HS3ST4: variants seen among roughly 807,000 people sequenced by gnomAD.
HS3ST4 encodes heparan sulfate-glucosamine 3-sulfotransferase 4.
In HS3ST4, 17 loss-of-function variants were observed where a neutral mutation model predicts 29.2. That is an observed-to-expected ratio of 0.58 (90% CI 0.40 to 0.87). The LOEUF (loss-of-function observed/expected upper bound fraction) is 0.87, where lower values mean the gene tolerates loss of function less well. HS3ST4 is among the 40% of genes least tolerant of loss of function. HS3ST4 has a pLI of 0.00. For synonymous variants in HS3ST4, 314 were observed against 285.7 expected, an observed-to-expected ratio of 1.10 and a Z score of -1.00; for missense variants, 627 against 634.5, an observed-to-expected ratio of 0.99 and a Z score of 0.13.
chr16:26,122,781 TG>T (rs1307849755), intron 1 of HS3ST4, among the ~76,000 whole-genome samples: 5 of 151,926 alleles, frequency 3.3e-5, no homozygotes, highest in Admixed American at 3.3e-4. Flanking sequence ...CAGGGCTGGG[TG>T]TGGTGGCTCA....
chr16:25,806,775 A>G (rs1328887714), intron 1 of HS3ST4, among the ~76,000 whole-genome samples: 2 of 151,968 alleles, frequency 1.3e-5, no homozygotes, highest in African/African-American at 4.8e-5. Flanking sequence ...AAAATCCACC[A>G]ATTTTATTGA....
At chr16:26,080,338 T>C (rs1371523427) in intron 1 of HS3ST4, among the ~76,000 whole-genome samples, 1 of 152,156 alleles carries the variant, frequency 6.6e-6, no homozygotes, top group Non-Finnish European at 1.5e-5. Context: ...CCTGCCCATT[T>C]GTGGAATGAA....
chr16:26,083,500 C>A (rs1898748228), intron 1 of HS3ST4, among the ~76,000 whole-genome samples: 1 of 152,018 alleles, frequency 6.6e-6, no homozygotes, highest in Admixed American at 6.6e-5. Flanking sequence ...CCATAAAGGG[C>A]CAGGTGGTAT....
At chr16:25,739,482 C>T (rs1158676341) in intron 1 of HS3ST4, among the ~76,000 whole-genome samples, 1 of 152,160 alleles carries the variant, frequency 6.6e-6, no homozygotes, top group African/African-American at 2.4e-5. Context: ...TTTGCTGTCT[C>T]CTTTTCTGTG....
At chr16:26,135,239 A>G (rs1332180837) in intron 1 of HS3ST4, among the ~76,000 whole-genome samples, 3 of 152,208 alleles carry the variant, frequency 2.0e-5, no homozygotes, top group Non-Finnish European at 4.4e-5. Flanking sequence ...TTTGAGCATT[A>G]TCTCCCTTAA....
chr16:26,052,850 C>T (rs759715502), intron 1 of HS3ST4, among the ~76,000 whole-genome samples: 3 of 152,224 alleles, frequency 2.0e-5, no homozygotes, highest in Non-Finnish European at 4.4e-5. Flanking sequence ...CTGCTTTGCT[C>T]TCATGTGGGG....
chr16:25,867,927 A>G (rs982793611), intron 1 of HS3ST4, among the ~76,000 whole-genome samples: 4 of 152,164 alleles, frequency 2.6e-5, no homozygotes, highest in Admixed American at 2.0e-4. Context: ...GATAGATACT[A>G]GGTAGGAAGA....
intron 1 of HS3ST4, among the ~76,000 whole-genome samples, chr16:25,939,892 G>T (rs978881417): frequency 1.3e-5 from 2 of 152,176 alleles, no homozygotes; most frequent in Non-Finnish European, 2.9e-5. Flanking sequence ...CAGCTTTGCT[G>T]CCTGGCTCTC....
chr16:25,737,960 A>G (rs1292433021), intron 1 of HS3ST4, among the ~76,000 whole-genome samples: 3 of 142,582 alleles, frequency 2.1e-5, no homozygotes, highest in Non-Finnish European at 4.5e-5. Flanking sequence ...GCTGGTGTGC[A>G]GTGGAGCAAT....
At chr16:25,764,489 G>A (rs925586846) in intron 1 of HS3ST4, among the ~76,000 whole-genome samples, 15 of 152,172 alleles carry the variant, frequency 9.9e-5, no homozygotes, top group African/African-American at 3.6e-4. Flanking sequence ...CTGCAACAGT[G>A]TGCACCCGCA....
chr16:26,014,300 A>G (rs1969342300), intron 1 of HS3ST4, among the ~76,000 whole-genome samples: 2 of 152,332 alleles, frequency 1.3e-5, no homozygotes, highest in South Asian at 4.1e-4. Context: ...CAAATGAATG[A>G]ATGAAAGTTC....
chr16:25,750,433 G>C (rs1264228974), intron 1 of HS3ST4, among the ~76,000 whole-genome samples: 1 of 152,186 alleles, frequency 6.6e-6, no homozygotes, highest in Non-Finnish European at 1.5e-5. Flanking sequence ...CATTTTCCAT[G>C]GGAGAAATGT....
At chr16:26,105,857 C>T (rs2141799633) in intron 1 of HS3ST4, among the ~76,000 whole-genome samples, 1 of 152,332 alleles carries the variant, frequency 6.6e-6, no homozygotes, top group South Asian at 2.1e-4. Flanking sequence ...ATCGAATTGC[C>T]TCTGTTTCAC....
chr16:26,066,920 G>T (rs969411862), intron 1 of HS3ST4, among the ~76,000 whole-genome samples: 1 of 152,178 alleles, frequency 6.6e-6, no homozygotes, highest in South Asian at 2.1e-4. Flanking sequence ...GTAGGCATCA[G>T]CAAATTTTAT....
At chr16:26,124,002 C>T (rs538112950) in intron 1 of HS3ST4, among the ~76,000 whole-genome samples, 17 of 151,970 alleles carry the variant, frequency 1.1e-4, no homozygotes, top group Admixed American at 6.6e-5. Flanking sequence ...CTTACCGCAA[C>T]TTGCGGCTCC....
intron 1 of HS3ST4, among the ~76,000 whole-genome samples, chr16:25,712,395 C>G (rs1395821155): frequency 6.6e-6 from 1 of 152,042 alleles, no homozygotes; most frequent in African/African-American, 2.4e-5. Context: ...GTGGTGCATG[C>G]CTTTAGTCCC....
intron 1 of HS3ST4, among the ~76,000 whole-genome samples, chr16:25,943,844 G>A (rs1968598355): frequency 6.6e-6 from 1 of 152,164 alleles, no homozygotes; most frequent in East Asian, 1.9e-4. Flanking sequence ...TGAGACCTAT[G>A]ATGGTTTCTG....
chr16:26,103,147 T>C (rs1899008797), intron 1 of HS3ST4, among the ~76,000 whole-genome samples: 1 of 152,164 alleles, frequency 6.6e-6, no homozygotes, highest in Admixed American at 6.6e-5. Context: ...GAAAGTGGGC[T>C]TGAAGAGCAG....
intron 1 of HS3ST4, among the ~76,000 whole-genome samples, chr16:25,885,224 T>TCCTA (rs1387547853): frequency 6.6e-6 from 1 of 152,198 alleles, no homozygotes; most frequent in Non-Finnish European, 1.5e-5. Flanking sequence ...AAAGCCTTTG[T>TCCTA]CCTACATCAC....
Sources: allele counts gnomAD v4.1 joint callset (sites outside exome capture counted in the v4.1 genomes callset), GRCh38; gene constraint gnomAD v4.1.1; transcripts MANE v1.5; gene names NCBI Gene and HGNC (gene_info 2026-07-23, HGNC 2026-07-21).